PPP1CB: variants seen among roughly 807,000 people sequenced by gnomAD.
PPP1CB encodes protein phosphatase 1 catalytic subunit beta.
In PPP1CB, 2 loss-of-function variants were observed where a neutral mutation model predicts 43.7. The observed-to-expected ratio is 0.05, with a 90% CI of 0.02 to 0.14. PPP1CB has a LOEUF of 0.14. PPP1CB is among the 10% of genes least tolerant of loss of function. The pLI is 1.00. For missense variants in PPP1CB, 84 were observed against 398.0 expected, an observed-to-expected ratio of 0.21 and a Z score of 6.71; for synonymous variants, 136 against 135.6, an observed-to-expected ratio of 1.00 and a Z score of -0.02.
chr2:28,785,311 T>G (rs920244829), intron 5 of PPP1CB, among the ~76,000 whole-genome samples: 1 of 151,882 alleles, frequency 6.6e-6, no homozygotes, highest in Non-Finnish European at 1.5e-5. Context: ...CTTGATCTTG[T>G]GATCCACCCA....
chr2:28,754,917 C>T (rs551528724), intron 1 of PPP1CB, among the ~76,000 whole-genome samples: 3 of 152,302 alleles, frequency 2.0e-5, no homozygotes, highest in East Asian at 1.9e-4. Flanking sequence ...AGCCCCACAA[C>T]ATATTCCTGA....
chr2:28,785,955 A>G (rs1667258186), intron 5 of PPP1CB, among the ~76,000 whole-genome samples: 1 of 151,960 alleles, frequency 6.6e-6, no homozygotes. Flanking sequence ...TGTTTTATTT[A>G]TTTTAGCGTA....
intron 7 of PPP1CB, among the ~76,000 whole-genome samples, 171 bp downstream of exon 7, chr2:28,794,168 A>G (rs1187030091): frequency 6.6e-6 from 1 of 152,272 alleles, no homozygotes; most frequent in African/African-American, 2.4e-5. Context: ...CAAAGTTTCC[A>G]GCATTTGTGG....
At chr2:28,768,051 AT>A (rs1260621080) in intron 1 of PPP1CB, among the ~76,000 whole-genome samples, 20 of 152,188 alleles carry the variant, frequency 1.3e-4, no homozygotes, top group African/African-American at 4.3e-4. Context: ...TCATTCCTCA[AT>A]TTTTTTAATG....
At chr2:28,772,316 G>A (rs1666932168) in intron 1 of PPP1CB, among the ~76,000 whole-genome samples, 1 of 151,978 alleles carries the variant, frequency 6.6e-6, no homozygotes, top group Admixed American at 6.6e-5. Context: ...GAAAAAAAAG[G>A]GTACTTGACA....
intron 1 of PPP1CB, among the ~76,000 whole-genome samples, chr2:28,756,930 G>A (rs1324832986): frequency 6.6e-6 from 1 of 152,150 alleles, no homozygotes; most frequent in Non-Finnish European, 1.5e-5. Context: ...CCTATTTAGA[G>A]GATATGATTT....
chr2:28,778,674 GAAGT>G, intron 2 of PPP1CB, 131 bp from the exon 3 acceptor site: 1 of 613,352 alleles, frequency 1.6e-6, no homozygotes, highest in South Asian at 2.0e-5. Context: ...TCGCTTATTA[GAAGT>G]AAGTCACCAA....
intron 1 of PPP1CB, among the ~76,000 whole-genome samples, chr2:28,759,397 G>A (rs1666585350): frequency 6.6e-6 from 1 of 151,792 alleles, no homozygotes. Flanking sequence ...GCATATGCCT[G>A]TAATCCCAGT....
chr2:28,752,217 A>C (rs973945397), intron 1 of PPP1CB, 41 bp downstream of exon 1: 2 of 1,489,888 alleles, frequency 1.3e-6, no homozygotes, highest in South Asian at 1.2e-5. Context: ...GAGGTCGGGC[A>C]CCGCCGCCGA....
chr2:28,753,233 C>G lies in PPP1CB; in HGVS notation c.52+1057C>G, dbSNP rs1475935018. 2.0e-5 allele frequency among the ~76,000 whole-genome samples: 3 copies of G among 152,206 alleles called. No individual in the cohort carries two copies. In the South Asian group the frequency reaches 6.2e-4, roughly 31 times the overall value. On this transcript the variant is annotated intron_variant, in intron 1 of 7. Transcript: ENST00000395366. ...AGAGGCCTCTTTGTTAGCCGCCGTCCAGCGATTGCATATGTACTGTTTGCT... is the reference window on the plus strand; with the variant it reads ...AGAGGCCTCTTTGTTAGCCGCCGTCGAGCGATTGCATATGTACTGTTTGCT...
intron 1 of PPP1CB, among the ~76,000 whole-genome samples, chr2:28,772,998 C>T (rs1445566541): frequency 1.3e-5 from 2 of 152,088 alleles, no homozygotes; most frequent in Admixed American, 6.5e-5. Context: ...TTCACAAATA[C>T]ATCAAATCAA....
chr2:28,775,613 G>A (rs1667021332), intron 1 of PPP1CB, among the ~76,000 whole-genome samples: 1 of 152,178 alleles, frequency 6.6e-6, no homozygotes, highest in Non-Finnish European at 1.5e-5. Context: ...CTGGCTTCAA[G>A]CAGTCCTCCC....
chr2:28,766,778 G>A (rs1666785827), intron 1 of PPP1CB, among the ~76,000 whole-genome samples: 1 of 152,122 alleles, frequency 6.6e-6, no homozygotes, highest in Admixed American at 6.5e-5. Context: ...AAAGGCTAAT[G>A]GCGTTTAAAA....
At chr2:28,777,007 A>G in intron 2 of PPP1CB, 25 bp downstream of exon 2, 1 of 1,604,940 alleles carries the variant, frequency 6.2e-7, no homozygotes, top group Non-Finnish European at 8.5e-7. Flanking sequence ...AAAGTTGGAA[A>G]CAACTCTTTT....
chr2:28,765,030 G>A (rs1044929469), intron 1 of PPP1CB, among the ~76,000 whole-genome samples: 2 of 152,166 alleles, frequency 1.3e-5, no homozygotes, highest in African/African-American at 2.4e-5. Flanking sequence ...GCTGGGGAAA[G>A]TAGCATAAGG....
chr2:28,791,780 T>C (rs1667391566), intron 6 of PPP1CB, among the ~76,000 whole-genome samples: 1 of 152,198 alleles, frequency 6.6e-6, no homozygotes, highest in African/African-American at 2.4e-5. Context: ...TCACTGGTCT[T>C]TTCAAAAATA....
At chr2:28,784,302 A>G (rs1349501568) in intron 5 of PPP1CB, among the ~76,000 whole-genome samples, 2 of 152,232 alleles carry the variant, frequency 1.3e-5, no homozygotes, top group African/African-American at 4.8e-5. Flanking sequence ...AATTTGTTAA[A>G]TTAGACAAAA....
At chr2:28,794,487 A>G (rs1395560931) in intron 7 of PPP1CB, among the ~76,000 whole-genome samples, 1 of 152,068 alleles carries the variant, frequency 6.6e-6, no homozygotes, top group African/African-American at 2.4e-5. Context: ...TCAGGTGATC[A>G]AGACCGTCCT....
chr2:28,791,631 C>G (rs983738206), intron 6 of PPP1CB, among the ~76,000 whole-genome samples: 4 of 151,978 alleles, frequency 2.6e-5, no homozygotes, highest in African/African-American at 7.2e-5. Flanking sequence ...CCCGGCCTGA[C>G]AAATAGTTTT....
Sources: gnomAD v4.1 joint callset for allele counts (sites outside exome capture counted in the v4.1 genomes callset) on GRCh38, gnomAD v4.1.1 for gene constraint, MANE v1.5 for transcripts, NCBI Gene and HGNC (gene_info 2026-07-23, HGNC 2026-07-21) for gene names.